CATSPERE: variants seen among roughly 807,000 people sequenced by gnomAD.
CATSPERE encodes catsper channel auxiliary subunit epsilon.
A neutral mutation model predicts 114.1 loss-of-function variants in CATSPERE; 93 were observed. That is an observed-to-expected ratio of 0.81 (90% CI 0.69 to 0.97). CATSPERE has a LOEUF of 0.97. Among genes scored for constraint, CATSPERE ranks in the 50% least tolerant of loss-of-function variants. The pLI, the probability that CATSPERE is intolerant of heterozygous loss-of-function variation, is 0.00. For missense variants in CATSPERE, 1,058 were observed against 1,131.6 expected (o/e 0.93, Z 0.93); for synonymous variants, 341 against 384.1 (o/e 0.89, Z 1.31).
intron 20 of CATSPERE, among the ~76,000 whole-genome samples, chr1:244,625,430 A>ATTTTTTTTTTTTTTTTTT (rs1476267922): frequency 0.019 from 81 of 4,340 alleles, 7 homozygotes; most frequent in Non-Finnish European, 0.028. Context: ...ATATATATAT[A>ATTTTTTTTTTTTTTTTTT]TATTTTTTTT....
rs1289055568 is a variant in CATSPERE at position 244,572,530 on chromosome 1, C to A, written c.1708C>A (p.Leu570Met). Residue 570 changes from leucine to methionine, a missense_variant, in exon 11 of 22, where the codon CTG becomes ATG. Around this residue, in one of 2 missense-constraint regions of CATSPERE, gnomAD observed 787 missense variants for 905.6 expected, o/e 0.87. Transcript: ENST00000366534. ...ACAAATACAGGACTATCCCTTACATCTGGAAGCACAAAGTATAGCTTTCAC... is the reference window on the plus strand; with the variant it reads ...ACAAATACAGGACTATCCCTTACATATGGAAGCACAAAGTATAGCTTTCAC... ...TIQIQDYPLH[L>M]EAQSIAFTTK... 1 of 1,614,052 alleles carries A rather than the reference C, an allele frequency of 6.2e-7. No individual in the cohort carries two copies. The highest frequency in any genetic ancestry group is 8.5e-7 in the Non-Finnish European group (1 of 1,179,906).
intron 8 of CATSPERE, among the ~76,000 whole-genome samples, chr1:244,526,673 G>A (rs1174562601): frequency 6.7e-6 from 1 of 148,734 alleles, no homozygotes; most frequent in East Asian, 2.0e-4. Flanking sequence ...TTTTTAGACA[G>A]GTTCTCACTC....
intron 5 of CATSPERE, among the ~76,000 whole-genome samples, chr1:244,481,895 TTATAG>T (rs1037805256): frequency 3.9e-5 from 6 of 152,202 alleles, no homozygotes; most frequent in African/African-American, 1.4e-4. Flanking sequence ...GGTATTTTTG[TTATAG>T]CAGCCCAAAC....
intron 20 of CATSPERE, among the ~76,000 whole-genome samples, chr1:244,625,426 A>ATTTTT (rs1326525192): frequency 1.5e-3 from 6 of 3,944 alleles, no homozygotes; most frequent in Admixed American, 5.2e-3. Context: ...ATATATATAT[A>ATTTTT]TATATATTTT....
In CATSPERE at chr1:244,561,081, A is replaced by T. The variant is rs146886898; in HGVS notation, c.1443A>T (p.Thr481=). 100 of 1,611,766 alleles carry T rather than the reference A, an allele frequency of 6.2e-5. No individual in the cohort carries two copies. In the African/African-American group the frequency reaches 1.1e-3, roughly 18 times the overall value. The part of the protein sequence containing the change: ...HNFTFTGILQ[T]PAGHGNLSML... ...TCACCTTTACTGGGATTTTACAGAC[A>T]CCTGCAGGACATGGAAATCTATCAA... The change falls in exon 10 of 22, where the codon ACA becomes ACT. Residue 481 remains threonine, a synonymous_variant. Coordinates refer to ENST00000366534, the MANE Select transcript of CATSPERE (RefSeq NM_001130957.2).
At chr1:244,461,617 C>A (rs562127962) in intron 1 of CATSPERE, 123 bp downstream of exon 1, 2 of 696,348 alleles carry the variant, frequency 2.9e-6, no homozygotes, top group South Asian at 6.9e-5. Flanking sequence ...ACCACTGCCT[C>A]GTCTCCTGGC....
chr1:244,632,108 T>C (rs1272887044), intron 20 of CATSPERE, among the ~76,000 whole-genome samples: 1 of 151,360 alleles, frequency 6.6e-6, no homozygotes, highest in African/African-American at 2.4e-5. Context: ...ATAAAGAAAA[T>C]ACTGTGGCCA....
At chr1:244,625,099 A>G (rs1672931157) in intron 20 of CATSPERE, among the ~76,000 whole-genome samples, 1 of 151,990 alleles carries the variant, frequency 6.6e-6, no homozygotes, top group Non-Finnish European at 1.5e-5. Flanking sequence ...AATGGTGAAT[A>G]CTTTCCAGGT....
intron 1 of CATSPERE, among the ~76,000 whole-genome samples, chr1:244,455,344 A>G (rs1039360043): frequency 4.0e-5 from 6 of 151,476 alleles, no homozygotes; most frequent in South Asian, 2.1e-4. Flanking sequence ...CATCTTGTAG[A>G]AAAAAAAACT....
At position 244,621,116 on chromosome 1, in the gene CATSPERE, A is replaced by AG. The variant is rs1349961471; in HGVS notation, c.2648+3430_2648+3431insG. Among the ~76,000 whole-genome samples the AG allele has an allele frequency of 5.3e-3, 172 of 32,580 alleles. 6 individuals are homozygous for AG. Among genetic ancestry groups the AG allele is most frequent in the East Asian group, 6.3e-3 (6 of 958 alleles). The allele number at this position is 32,580 out of a possible 152,430, so 21.4% of individuals were successfully genotyped here. ...ATAAAATATATATAAATATATATAT[A>AG]ATATATATATAAATATATATAAAAT... On this transcript the variant is annotated intron_variant, in intron 20 of 21. Coordinates refer to ENST00000366534, the MANE Select transcript of CATSPERE (RefSeq NM_001130957.2).
intron 21 of CATSPERE, among the ~76,000 whole-genome samples, chr1:244,638,811 A>G (rs1674972931): frequency 6.6e-6 from 1 of 152,218 alleles, no homozygotes; most frequent in Non-Finnish European, 1.5e-5. Flanking sequence ...TTGATCCAAT[A>G]TAACTTCTAC....
At chr1:244,576,088 C>T (rs549174795) in intron 11 of CATSPERE, among the ~76,000 whole-genome samples, 4 of 152,250 alleles carry the variant, frequency 2.6e-5, no homozygotes, top group African/African-American at 7.2e-5. Flanking sequence ...TTTACCGGCT[C>T]CTCCAGTGTT....
intron 12 of CATSPERE, among the ~76,000 whole-genome samples, chr1:244,582,910 GATATATAT>G (rs66677443): frequency 7.0e-6 from 1 of 142,450 alleles, no homozygotes; most frequent in African/African-American, 2.8e-5. Flanking sequence ...AACAGAATTT[GATATATAT>G]ATATATATAT....
Position 244,497,554 on chromosome 1 carries a change from T to C in CATSPERE, c.352-1448T>C, listed in dbSNP as rs574072688. On this transcript the variant is annotated intron_variant, in intron 6 of 21. Transcript: ENST00000366534. ...GCTCATGCCTGTAATCCCAGCACTT[T>C]GGGAGGCCGAGGCAGGCAGATCACC... Among the ~76,000 whole-genome samples, 3 of 152,282 alleles carry C rather than the reference T, an allele frequency of 2.0e-5. No homozygotes were observed. The East Asian group carries it at 5.8e-4, about 29-fold the overall frequency.
chr1:244,573,693 C>T lies in CATSPERE; in HGVS notation c.1950+921C>T, dbSNP rs568131038. Among the ~76,000 whole-genome samples, 124 of 152,190 alleles carry T rather than the reference C, an allele frequency of 8.1e-4. 1 individual carries two copies. The highest frequency in any genetic ancestry group is 2.8e-3 in the African/African-American group (115 of 41,526). On this transcript the variant is annotated intron_variant, in intron 11 of 21. Transcript: ENST00000366534. This position sits in a 1 kb window ranked among gnomAD's most constrained non-coding sequence, Gnocchi z 4.0. ...GCAGTCTCAGGGCAGTGTTCCAAGA[C>T]GGTGAGAGCAGAAGCCTAGGTTTGG...
intron 8 of CATSPERE, among the ~76,000 whole-genome samples, chr1:244,528,826 C>CACACACACACACACACACACACA (rs1558436626): frequency 6.7e-6 from 1 of 150,238 alleles, no homozygotes; most frequent in African/African-American, 2.4e-5. Context: ...CACACACACA[C>CACACACACACACACACACACACA]TCTACTCTTT....
chr1:244,453,246 G>A (rs1665787103), upstream of CATSPERE, among the ~76,000 whole-genome samples: 1 of 152,170 alleles, frequency 6.6e-6, no homozygotes, highest in African/African-American at 2.4e-5. Context: ...AAACAAGAAT[G>A]CCATCTATTT....
intron 17 of CATSPERE, among the ~76,000 whole-genome samples, chr1:244,597,360 G>A (rs777694478): frequency 4.6e-5 from 7 of 152,046 alleles, no homozygotes; most frequent in Non-Finnish European, 7.4e-5. Context: ...CTAAACCGAT[G>A]GTCAATGCTC....
intron 6 of CATSPERE, among the ~76,000 whole-genome samples, 200 bp downstream of exon 6, chr1:244,490,671 G>A (rs560861671): frequency 7.9e-5 from 12 of 151,998 alleles, no homozygotes; most frequent in African/African-American, 2.7e-4. Context: ...CATAAGGATG[G>A]ATCTTCCCCC....
Sources: allele counts gnomAD v4.1 joint callset (sites outside exome capture counted in the v4.1 genomes callset), GRCh38; gene constraint gnomAD v4.1.1; regional missense constraint gnomAD v4.1.1; non-coding constraint Gnocchi (gnomAD v3.1); transcripts MANE v1.5; gene names NCBI Gene and HGNC (gene_info 2026-07-23, HGNC 2026-07-21).